The following CTNNA3 variants were observed in gnomAD, a reference collection of about 807,000 sequenced individuals.
The protein encoded by CTNNA3 is catenin alpha 3.
In CTNNA3, 76 loss-of-function variants were observed where a neutral mutation model predicts 95.7. The ratio of observed to expected loss-of-function variants is 0.79; its 90% CI spans 0.66 to 0.96. The LOEUF (loss-of-function observed/expected upper bound fraction) is 0.96. Ranked by LOEUF, CTNNA3 falls within the 40% of genes least tolerant of loss-of-function variation. The pLI is 0.00. For missense variants in CTNNA3, 1,191 were observed against 1,089.8 expected, an observed-to-expected ratio of 1.09 and a Z score of -1.31; for synonymous variants, 431 against 374.4, an observed-to-expected ratio of 1.15 and a Z score of -1.74.
chr10:65,924,136 T>C (rs1033202173), intron 17 of CTNNA3, among the ~76,000 whole-genome samples: 5 of 152,172 alleles, frequency 3.3e-5, no homozygotes, highest in Non-Finnish European at 7.4e-5. Context: ...AAGAACCAAT[T>C]TTCCAAAATA....
chr10:67,434,756 G>A (rs1000578081), intron 5 of CTNNA3, among the ~76,000 whole-genome samples: 35 of 151,914 alleles, frequency 2.3e-4, no homozygotes, highest in African/African-American at 6.8e-4. Flanking sequence ...CACCTGATTC[G>A]CTTCTTCATT....
At chr10:66,229,818 T>C (rs188854337) in intron 13 of CTNNA3, among the ~76,000 whole-genome samples, 1 of 152,292 alleles carries the variant, frequency 6.6e-6, no homozygotes, top group African/African-American at 2.4e-5. Context: ...TTCTGCCTTT[T>C]AGCATCTTTT....
intron 11 of CTNNA3, among the ~76,000 whole-genome samples, chr10:66,447,065 C>A (rs1013830328): frequency 2.6e-5 from 4 of 151,566 alleles, no homozygotes; most frequent in East Asian, 1.9e-4. Context: ...TGAGTGAACT[C>A]CCATTCACAA....
chr10:66,027,800 C>T (rs1042282416), intron 15 of CTNNA3, among the ~76,000 whole-genome samples: 1 of 152,164 alleles, frequency 6.6e-6, no homozygotes, highest in African/African-American at 2.4e-5. Flanking sequence ...AATTTCCCTC[C>T]TTTATCTTGG....
At chr10:65,958,438 C>T (rs528944112) in intron 17 of CTNNA3, among the ~76,000 whole-genome samples, 44 of 152,260 alleles carry the variant, frequency 2.9e-4, no homozygotes, top group Non-Finnish European at 5.3e-4. Flanking sequence ...GCTGGTGAGG[C>T]GCTGCGTTCC....
rs1296458260 is a variant in CTNNA3, at chr10:65,918,569, T to C, written c.*1761A>G. On this transcript the variant is annotated 3_prime_UTR_variant, in exon 18 of 18. Coordinates refer to ENST00000433211, the MANE Select transcript of CTNNA3 (RefSeq NM_013266.4). ...AAACAGAGTCATCTGAATTCCCTAA[T>C]TCCCTTCTTCACTGCCTTTTCTTCT... The C allele has an allele frequency of 1.3e-5, 2 of 152,172 alleles. No individual in the cohort carries two copies. The allele number at this position is 152,172 out of a possible 1,614,324, so 9.4% of individuals were successfully genotyped here. A position where few individuals can be genotyped will look rare whatever the true frequency, so the allele number is the denominator to read the frequency against.
At chr10:66,134,343 A>AT (rs1189158046) in intron 13 of CTNNA3, among the ~76,000 whole-genome samples, 1 of 152,106 alleles carries the variant, frequency 6.6e-6, no homozygotes, top group African/African-American at 2.4e-5. Flanking sequence ...TGTAACAGTT[A>AT]TTTTTTCTAA....
intron 6 of CTNNA3, among the ~76,000 whole-genome samples, chr10:67,212,315 A>T (rs1039024112): frequency 6.6e-6 from 1 of 151,966 alleles, no homozygotes; most frequent in African/African-American, 2.4e-5. Flanking sequence ...ATATTGCATA[A>T]ATCATTCTCT....
At chr10:66,650,537 G>A (rs908646406) in intron 9 of CTNNA3, among the ~76,000 whole-genome samples, 4 of 152,112 alleles carry the variant, frequency 2.6e-5, no homozygotes, top group Non-Finnish European at 5.9e-5. Flanking sequence ...TCTTGGTCTC[G>A]CTGACTTCAA....
At position 66,858,524 on chromosome 10, in the gene CTNNA3, T is replaced by C. The variant is rs151286145; in HGVS notation, c.1048-83000A>G. On this transcript the variant is annotated intron_variant, in intron 7 of 17. Coordinates refer to ENST00000433211, the MANE Select transcript of CTNNA3 (RefSeq NM_013266.4). ...TGGGTACAATTCCGCTGTGAATTCA[T>C]CTGGTCCTGGGCTTTTTCTGGTTGG... 2.5e-3 allele frequency among the ~76,000 whole-genome samples: 385 copies of C among 152,178 alleles called. 4 individuals are homozygous for C. The highest frequency in any genetic ancestry group is 4.4e-3 in the South Asian group (21 of 4,818).
At chr10:66,671,045 G>C (rs1198173547) in intron 9 of CTNNA3, among the ~76,000 whole-genome samples, 1 of 152,186 alleles carries the variant, frequency 6.6e-6, no homozygotes, top group Non-Finnish European at 1.5e-5. Context: ...GGGAGAAGCT[G>C]TTTAAACAAA....
chr10:67,315,196 T>C (rs930128877), intron 5 of CTNNA3, among the ~76,000 whole-genome samples: 2 of 152,194 alleles, frequency 1.3e-5, no homozygotes, highest in African/African-American at 4.8e-5. Flanking sequence ...GCCCAACCTC[T>C]CTATCACTCA....
chr10:67,699,866 T>C (rs923322001), upstream of CTNNA3, among the ~76,000 whole-genome samples: 1 of 152,166 alleles, frequency 6.6e-6, no homozygotes, highest in Non-Finnish European at 1.5e-5. Context: ...TTCCCTTTCC[T>C]AGTCAAAGAA....
chr10:67,301,975 A>AAAAGAAAG lies in CTNNA3; in HGVS notation c.580-82113_580-82106dup, dbSNP rs1174361427. On this transcript the variant is annotated intron_variant, in intron 5 of 17. Transcript: ENST00000433211. ...CAGAGCGAGACTCGTCAAGAAAGAA[A>AAAAGAAAG]AAAGAAAGAAAGAAAGAACGAAAGA... 1.6e-4 allele frequency among the ~76,000 whole-genome samples: 19 copies of AAAAGAAAG among 118,628 alleles called. 3 individuals carry two copies. The highest frequency in any genetic ancestry group is 1.1e-3 in the East Asian group (4 of 3,620). The allele number at this position is 118,628 out of a possible 152,430, so 77.8% of individuals were successfully genotyped here.
chr10:66,905,167 T>C (rs1489158180), intron 7 of CTNNA3, among the ~76,000 whole-genome samples: 1 of 152,194 alleles, frequency 6.6e-6, no homozygotes, highest in Non-Finnish European at 1.5e-5. Context: ...GTGGCACATA[T>C]ACACCATGGA....
intron 13 of CTNNA3, among the ~76,000 whole-genome samples, chr10:66,213,076 A>C (rs1380017159): frequency 1.3e-5 from 2 of 152,174 alleles, no homozygotes; most frequent in African/African-American, 4.8e-5. Context: ...GTATTAAGAC[A>C]TATTAATGTA....
At chr10:67,731,007 G>A (rs543679909) in intron 1 of CTNNA3, among the ~76,000 whole-genome samples, 6 of 152,086 alleles carry the variant, frequency 3.9e-5, no homozygotes, top group African/African-American at 1.4e-4. Context: ...TATGGGAAAG[G>A]AACAATGTAT....
intron 5 of CTNNA3, among the ~76,000 whole-genome samples, chr10:67,446,583 A>C (rs1235136013): frequency 1.3e-5 from 2 of 152,166 alleles, no homozygotes; most frequent in Admixed American, 6.5e-5. Context: ...TTCTTATAGC[A>C]TTTACTTCAG....
intron 13 of CTNNA3, among the ~76,000 whole-genome samples, chr10:66,106,331 GTGTGTT>G (rs1381277054): frequency 3.6e-5 from 4 of 111,346 alleles, no homozygotes; most frequent in Admixed American, 2.2e-4. Context: ...TTGTGTGTGT[GTGTGTT>G]TGTGTGTGTG....
Sources: allele counts gnomAD v4.1 joint callset (sites outside exome capture counted in the v4.1 genomes callset), GRCh38; gene constraint gnomAD v4.1.1; transcripts MANE v1.5; gene names NCBI Gene and HGNC (gene_info 2026-07-23, HGNC 2026-07-21).